The following CLCN3 variants were observed in gnomAD, a reference collection of about 807,000 sequenced individuals.
CLCN3 encodes H(+)/Cl(-) exchange transporter 3.
In CLCN3, 16 loss-of-function variants were observed where a neutral mutation model predicts 83.4. The observed-to-expected ratio is 0.19, with a 90% CI of 0.13 to 0.29. The LOEUF (loss-of-function observed/expected upper bound fraction) is 0.29. Among genes scored for constraint, CLCN3 ranks in the 10% least tolerant of loss-of-function variants. The pLI is 1.00. For synonymous variants in CLCN3, 322 were observed against 346.2 expected (o/e 0.93, Z 0.78); for missense variants, 544 against 1,006.0 (o/e 0.54, Z 6.21).
chr4:169,717,714 CTCAT>C, intron 12 of CLCN3: 1 of 887,568 alleles, frequency 1.1e-6, no homozygotes, highest in Non-Finnish European at 1.8e-6. Flanking sequence ...TATTTTTTCT[CTCAT>C]TCTTTATCAT....
At position 169,622,985 on chromosome 4, in the gene CLCN3, CATT is replaced by C. The variant is rs576013643; in HGVS notation, c.-17+1923_-17+1925del. 5.3e-3 allele frequency among the ~76,000 whole-genome samples: 806 copies of C among 152,282 alleles called. 2 individuals carry two copies. Among genetic ancestry groups the C allele is most frequent in the Non-Finnish European group, 9.1e-3 (617 of 68,010 alleles). ...ATGCACATTCACATCTGTACATAAA[CATT>C]GTAGCTGTGATTCATTTTGGTTCTT... is the stretch of plus-strand genomic sequence containing the variant. On this transcript the variant is annotated intron_variant, in intron 1 of 12. Coordinates refer to ENST00000513761, the MANE Select transcript of CLCN3 (RefSeq NM_001829.4).
chr4:169,720,337 G>A lies in CLCN3; in HGVS notation c.*340G>A, dbSNP rs1365807430. On this transcript the variant is annotated 3_prime_UTR_variant, in exon 13 of 13. Transcript: ENST00000513761. ...CAACAGAGATGACAGCAGAGTCCTC[G>A]AGCACCTGGCCTGTTGCTCCAACAT... The A allele has an allele frequency of 9.8e-6, 3 of 306,066 alleles. No homozygotes were observed. Among genetic ancestry groups the A allele is most frequent in the African/African-American group, 2.2e-5 (1 of 46,490 alleles). 19.0% of individuals were successfully genotyped at this position (306,066 alleles called of 1,614,324 possible).
At chr4:169,633,613 A>G (rs539736747) in intron 1 of CLCN3, among the ~76,000 whole-genome samples, 2 of 152,338 alleles carry the variant, frequency 1.3e-5, no homozygotes, top group South Asian at 4.1e-4. Context: ...GTGCTGTTCA[A>G]TAAAAGTGTT....
At chr4:169,685,664 T>C (rs144998533) in intron 3 of CLCN3, among the ~76,000 whole-genome samples, 21 of 152,304 alleles carry the variant, frequency 1.4e-4, no homozygotes, top group African/African-American at 5.1e-4. Context: ...TCTGTACATA[T>C]ATCTTTTTTA....
At chr4:169,695,476 C>G in intron 7 of CLCN3, 136 bp from the exon 8 acceptor site, 2 of 673,438 alleles carry the variant, frequency 3.0e-6, no homozygotes, top group Non-Finnish European at 5.2e-6. Context: ...AATAGTTACC[C>G]TTTGCTTAGG....
intron 5 of CLCN3, among the ~76,000 whole-genome samples, chr4:169,690,104 CT>C (rs1318136927): frequency 7.0e-6 from 1 of 142,296 alleles, no homozygotes; most frequent in Admixed American, 7.0e-5. Flanking sequence ...AACCAGGAGA[CT>C]TTTACACATT....
At chr4:169,672,220 T>TGACAGATAGATA (rs1553968503) in intron 2 of CLCN3, among the ~76,000 whole-genome samples, 2 of 145,496 alleles carry the variant, frequency 1.4e-5, no homozygotes, top group Non-Finnish European at 3.0e-5. Context: ...TCAAAATAAA[T>TGACAGATAGATA]GATAGATAGA....
intron 9 of CLCN3, among the ~76,000 whole-genome samples, chr4:169,702,093 C>T (rs1732809522): frequency 1.3e-5 from 2 of 152,180 alleles, no homozygotes; most frequent in African/African-American, 4.8e-5. Flanking sequence ...CTGCCGATCG[C>T]TAGTTTCAGG....
chr4:169,680,332 C>A, intron 3 of CLCN3, 125 bp downstream of exon 3: 1 of 666,670 alleles, frequency 1.5e-6, no homozygotes, highest in Non-Finnish European at 2.5e-6. Flanking sequence ...GTCTACATTT[C>A]ATATGTGGTA....
At chr4:169,679,447 T>C (rs904792278) in intron 2 of CLCN3, among the ~76,000 whole-genome samples, 2 of 147,358 alleles carry the variant, frequency 1.4e-5, no homozygotes, top group Non-Finnish European at 3.0e-5. Context: ...TCCCAGACGA[T>C]GGGCAGTCAG....
At chr4:169,682,538 T>C (rs767084798) in intron 3 of CLCN3, among the ~76,000 whole-genome samples, 7 of 152,184 alleles carry the variant, frequency 4.6e-5, no homozygotes, top group Non-Finnish European at 1.0e-4. Flanking sequence ...ATTATGCAAC[T>C]CAAATAAATT....
At position 169,620,965 on chromosome 4, in the gene CLCN3, A is replaced by C; in HGVS notation, c.-115A>C. On this transcript the variant is annotated 5_prime_UTR_variant, in exon 1 of 13. Coordinates refer to ENST00000513761, the MANE Select transcript of CLCN3 (RefSeq NM_001829.4). ...CGCTGTGTCAGGCTTTCTTCGGTGG[A>C]GCTCCGAGGGTAGCTAGGTTCTAGG... 1 of 398,380 alleles carries C rather than the reference A, an allele frequency of 2.5e-6. No individual in the cohort carries two copies. The allele number at this position is 398,380 out of a possible 1,614,324, so 24.7% of individuals were successfully genotyped here.
At chr4:169,630,185 G>A (rs995085643) in intron 1 of CLCN3, among the ~76,000 whole-genome samples, 8 of 152,140 alleles carry the variant, frequency 5.3e-5, no homozygotes, top group African/African-American at 1.9e-4. Context: ...TTATTCCATG[G>A]GTATACAGCA....
At chr4:169,682,063 G>A (rs543971564) in intron 3 of CLCN3, among the ~76,000 whole-genome samples, 1 of 152,238 alleles carries the variant, frequency 6.6e-6, no homozygotes, top group South Asian at 2.1e-4. Flanking sequence ...AAGATTAGTT[G>A]TAATGTGTAC....
At chr4:169,633,221 G>A (rs1412173332) in intron 1 of CLCN3, among the ~76,000 whole-genome samples, 3 of 152,056 alleles carry the variant, frequency 2.0e-5, no homozygotes, top group African/African-American at 4.8e-5. Flanking sequence ...ACCATGGCCA[G>A]GTGGGTCTTG....
At position 169,721,838 on chromosome 4, in the gene CLCN3, A is replaced by G. The variant is rs1733648558; in HGVS notation, c.*1841A>G. The G allele has an allele frequency of 6.6e-6, 1 of 152,134 alleles. No homozygotes were observed. 9.4% of individuals were successfully genotyped at this position (152,134 alleles called of 1,614,324 possible). On this transcript the variant is annotated 3_prime_UTR_variant, in exon 13 of 13. Coordinates refer to ENST00000513761, the MANE Select transcript of CLCN3 (RefSeq NM_001829.4). ...TGATAGGAAAATGAAATTTTTGCAAACAGACATTTTCTTTTTTTTTGGCTG... is the reference window on the plus strand; with the variant it reads ...TGATAGGAAAATGAAATTTTTGCAAGCAGACATTTTCTTTTTTTTTGGCTG...
At chr4:169,648,257 A>G (rs559534900) in intron 2 of CLCN3, among the ~76,000 whole-genome samples, 1 of 152,370 alleles carries the variant, frequency 6.6e-6, no homozygotes, top group East Asian at 1.9e-4. Context: ...TGACAAATGT[A>G]TCATGGAAAT....
chr4:169,692,212 T>G lies in CLCN3; in HGVS notation c.828T>G (p.Gly276=). ...CATTAGTCCTGGCTGTGGCATCAGG[T>G]TTGAGTTTAGGAAAAGAAGGTCCCC... is the stretch of plus-strand genomic sequence containing the variant. ...TITLVLAVAS[G]LSLGKEGPLV... Residue 276 remains glycine, a synonymous_variant, in exon 7 of 13, where the codon GGT becomes GGG. Transcript: ENST00000513761. The G allele has an allele frequency of 6.2e-7, 1 of 1,613,230 alleles. No homozygotes were observed. Among genetic ancestry groups the G allele is most frequent in the African/African-American group, 1.3e-5 (1 of 75,024 alleles).
At chr4:169,718,273 T>C (rs1466335498) in intron 12 of CLCN3, among the ~76,000 whole-genome samples, 1 of 151,558 alleles carries the variant, frequency 6.6e-6, no homozygotes, top group Non-Finnish European at 1.5e-5. Flanking sequence ...TTTTTTTAAA[T>C]GTTTCCCGAT....
Sources: gnomAD v4.1 joint callset for allele counts (sites outside exome capture counted in the v4.1 genomes callset) on GRCh38, gnomAD v4.1.1 for gene constraint, MANE v1.5 for transcripts, NCBI Gene and HGNC (gene_info 2026-07-23, HGNC 2026-07-21) for gene names.